The following COQ5 variants were observed in gnomAD, a reference collection of about 807,000 sequenced individuals.
COQ5 encodes coenzyme Q5, methyltransferase.
COQ5 carries 27 observed loss-of-function variants against 40.5 expected under a neutral mutation model. That is an observed-to-expected ratio of 0.67 (90% CI 0.49 to 0.92). COQ5 has a LOEUF of 0.92. COQ5 is among the 40% of genes least tolerant of loss of function. COQ5 has a pLI of 0.00. For missense variants in COQ5, 409 were observed against 406.4 expected, an observed-to-expected ratio of 1.01 and a Z score of -0.06; for synonymous variants, 141 against 150.0, an observed-to-expected ratio of 0.94 and a Z score of 0.44.
chr12:120,509,654 T>C (rs1869037259), intron 4 of COQ5, among the ~76,000 whole-genome samples: 1 of 152,220 alleles, frequency 6.6e-6, no homozygotes. Flanking sequence ...TTTTCAATTT[T>C]GTGACTAGAA....
rs1198814016 is a variant in COQ5 at position 120,515,100 on chromosome 12, C to CT, written c.574+1466dup. Among the ~76,000 whole-genome samples, 223 of 149,596 alleles carry CT rather than the reference C, an allele frequency of 1.5e-3. 1 individual carries two copies. The highest frequency in any genetic ancestry group is 4.8e-3 in the African/African-American group (195 of 40,784). ...GAGCCACCACGCCTGGCCAAATTTG[C>CT]TTTTTTTTTGAGACAGGGTCTTACT... On this transcript the variant is annotated intron_variant, in intron 3 of 6. Transcript: ENST00000288532.
At chr12:120,507,180 C>T (rs1379586045) in intron 4 of COQ5, among the ~76,000 whole-genome samples, 1 of 152,068 alleles carries the variant, frequency 6.6e-6, no homozygotes, top group Non-Finnish European at 1.5e-5. Context: ...GCTGTTCAAA[C>T]AGTTGTCAAA....
At chr12:120,504,339 GC>G (rs1868783093) in intron 5 of COQ5, among the ~76,000 whole-genome samples, 1 of 151,898 alleles carries the variant, frequency 6.6e-6, no homozygotes, top group African/African-American at 2.4e-5. Flanking sequence ...CCTACCCAGG[GC>G]TGCCATGTAT....
At chr12:120,508,044 G>A (rs1035841811) in intron 4 of COQ5, among the ~76,000 whole-genome samples, 2 of 151,724 alleles carry the variant, frequency 1.3e-5, no homozygotes, top group East Asian at 1.9e-4. Context: ...TCGCCCAGGC[G>A]GAGTGCAGTG....
At chr12:120,520,293 G>T (rs1026423941) in intron 2 of COQ5, among the ~76,000 whole-genome samples, 1 of 149,198 alleles carries the variant, frequency 6.7e-6, no homozygotes, top group Non-Finnish European at 1.5e-5. Flanking sequence ...ACAGACGCCC[G>T]CCACCTTGCC....
chr12:120,522,536 TTA>T (rs1869719050), intron 1 of COQ5, 173 bp from the exon 2 acceptor site: 140 of 652,636 alleles, frequency 2.1e-4, no homozygotes, highest in Middle Eastern at 4.2e-4. Flanking sequence ...CTTTATTGAT[TTA>T]TTTTTTTTTC....
In COQ5 at chr12:120,510,096, T is replaced by C. The variant is rs781058723; in HGVS notation, c.602A>G (p.Glu201Gly). 6.2e-7 allele frequency: 1 copy of C among 1,613,948 alleles called. No homozygotes were observed. The highest frequency in any genetic ancestry group is 8.5e-7 in the Non-Finnish European group (1 of 1,179,910). The change falls in exon 4 of 7, where the codon GAA becomes GGA. Residue 201 changes from glutamate to glycine, a missense_variant. Coordinates refer to ENST00000288532, the MANE Select transcript of COQ5 (RefSeq NM_032314.4). Reference protein sequence around the residue: ...AGLAWVLGDAEELPFDDDKFD... With the variant: ...AGLAWVLGDAGELPFDDDKFD... ...CTTGTCATCATCAAAGGGCAGTTCT[T>C]CAGCATCTCCTAATACCCATGCAAG...
chr12:120,513,425 C>G (rs1869231375), intron 3 of COQ5, among the ~76,000 whole-genome samples: 1 of 151,140 alleles, frequency 6.6e-6, no homozygotes, highest in Non-Finnish European at 1.5e-5. Flanking sequence ...TGGCGTGAAC[C>G]CGGGAGGCGG....
chr12:120,506,613 C>T (rs758642880), intron 4 of COQ5, among the ~76,000 whole-genome samples: 3 of 151,968 alleles, frequency 2.0e-5, no homozygotes, highest in Non-Finnish European at 4.4e-5. Flanking sequence ...GTGATCCTTC[C>T]ACCTTGGCCT....
At chr12:120,515,802 C>T (rs527692891) in intron 3 of COQ5, among the ~76,000 whole-genome samples, 5 of 152,284 alleles carry the variant, frequency 3.3e-5, no homozygotes, top group African/African-American at 9.6e-5. Flanking sequence ...CCATTGGCTA[C>T]GAGCTGCCAC....
At chr12:120,523,872 T>C (rs1440186138) in intron 1 of COQ5, 4 of 369,712 alleles carry the variant, frequency 1.1e-5, no homozygotes, top group Non-Finnish European at 2.2e-5. Flanking sequence ...TAGCTGGGCA[T>C]GGTTGTGCAC....
intron 4 of COQ5, 53 bp from the exon 5 acceptor site, chr12:120,505,036 T>A: frequency 7.0e-7 from 1 of 1,427,810 alleles, no homozygotes; most frequent in Non-Finnish European, 9.9e-7. Flanking sequence ...CTCACTCAAT[T>A]CCATGAGGCC....
intron 5 of COQ5, 112 bp downstream of exon 5, chr12:120,504,783 G>A: frequency 1.1e-6 from 1 of 900,036 alleles, no homozygotes; most frequent in Non-Finnish European, 1.8e-6. Context: ...CTGACCTCTG[G>A]TACTCTGAAC....
At chr12:120,511,045 C>G (rs1464797295) in intron 3 of COQ5, among the ~76,000 whole-genome samples, 1 of 151,980 alleles carries the variant, frequency 6.6e-6, no homozygotes, top group Non-Finnish European at 1.5e-5. Flanking sequence ...CTGAGGGAGG[C>G]AGATCACGAG....
chr12:120,505,070 C>A, intron 4 of COQ5, 87 bp from the exon 5 acceptor site: 1 of 1,116,800 alleles, frequency 9.0e-7, no homozygotes, highest in Non-Finnish European at 1.4e-6. Flanking sequence ...CTTCTGCAGG[C>A]ATTAAAAAAG....
intron 1 of COQ5, among the ~76,000 whole-genome samples, chr12:120,525,545 G>A (rs1030509333): frequency 6.6e-6 from 1 of 152,158 alleles, no homozygotes; most frequent in Non-Finnish European, 1.5e-5. Context: ...GAACCCAGGA[G>A]TTCAAGGCTG....
intron 4 of COQ5, among the ~76,000 whole-genome samples, chr12:120,508,830 C>T (rs1228236073): frequency 6.6e-6 from 1 of 151,676 alleles, no homozygotes; most frequent in African/African-American, 2.4e-5. Flanking sequence ...CAGAGACCAT[C>T]CTGGCCAACA....
At chr12:120,518,272 T>C (rs1238674379) in intron 2 of COQ5, among the ~76,000 whole-genome samples, 1 of 151,862 alleles carries the variant, frequency 6.6e-6, no homozygotes, top group East Asian at 1.9e-4. Context: ...CGAAAAAAAT[T>C]ACAAAAATTA....
At position 120,516,765 on chromosome 12, in the gene COQ5, T is replaced by C. The variant is rs767526650; in HGVS notation, c.376A>G (p.Asn126Asp). The change falls in exon 3 of 7, where the codon AAT becomes GAT. Residue 126 changes from asparagine to aspartate, a missense_variant. Transcript: ENST00000288532. ...GTGDIAFRFL[N>D]YVQSQHQRKQ... ...CTCTGATGCTGGGACTGAACATAAT[T>C]AAGGAACCGGAATGCAATGTCACCT... 9 of 1,614,000 alleles carry C rather than the reference T, an allele frequency of 5.6e-6. No homozygotes were observed. Among genetic ancestry groups the C allele is most frequent in the Middle Eastern group, 3.3e-4 (2 of 6,084 alleles).
Sources: gnomAD v4.1 joint callset for allele counts (sites outside exome capture counted in the v4.1 genomes callset) on GRCh38, gnomAD v4.1.1 for gene constraint, MANE v1.5 for transcripts, NCBI Gene and HGNC (gene_info 2026-07-23, HGNC 2026-07-21) for gene names.